Variants in GPR158 observed in about 807,000 individuals in gnomAD.
GPR158 encodes metabotropic glycine receptor.
Under a neutral mutation model 78.2 loss-of-function variants are expected in GPR158, and 30 were observed. The ratio of observed to expected loss-of-function variants is 0.38; its 90% CI spans 0.29 to 0.52. The LOEUF (loss-of-function observed/expected upper bound fraction) is 0.52. Among genes scored for constraint, GPR158 ranks in the 20% least tolerant of loss-of-function variants. The pLI is 0.83. For synonymous variants in GPR158, 581 were observed against 591.1 expected (o/e 0.98, Z 0.25); for missense variants, 1,463 against 1,523.5 (o/e 0.96, Z 0.66).
chr10:25,482,123 G>T (rs928394644), intron 5 of GPR158, among the ~76,000 whole-genome samples: 3 of 151,970 alleles, frequency 2.0e-5, no homozygotes, highest in Non-Finnish European at 4.4e-5. Context: ...CACCAATCTG[G>T]GATGATGCTG....
intron 5 of GPR158, among the ~76,000 whole-genome samples, chr10:25,507,652 T>C (rs1160660138): frequency 6.6e-6 from 1 of 152,202 alleles, no homozygotes; most frequent in Non-Finnish European, 1.5e-5. Flanking sequence ...GAAAATCTTT[T>C]AAAAAATTTA....
chr10:25,545,416 G>A (rs1836650354), intron 5 of GPR158, among the ~76,000 whole-genome samples: 1 of 152,086 alleles, frequency 6.6e-6, no homozygotes, highest in South Asian at 2.1e-4. Flanking sequence ...GCATGAGATG[G>A]TATCTCATTG....
intron 5 of GPR158, among the ~76,000 whole-genome samples, chr10:25,478,094 C>A (rs1322309974): frequency 6.6e-6 from 1 of 152,116 alleles, no homozygotes; most frequent in Non-Finnish European, 1.5e-5. Flanking sequence ...GCCCAGTGTG[C>A]ATATTCTAGG....
intron 4 of GPR158, among the ~76,000 whole-genome samples, chr10:25,450,782 A>C (rs1410261300): frequency 6.6e-6 from 1 of 152,156 alleles, no homozygotes; most frequent in African/African-American, 2.4e-5. Flanking sequence ...TGTTGTACAA[A>C]ATTAGCACAT....
intron 2 of GPR158, among the ~76,000 whole-genome samples, chr10:25,336,086 A>G (rs1364906029): frequency 6.6e-6 from 1 of 152,090 alleles, no homozygotes; most frequent in Admixed American, 6.6e-5. Context: ...TTGTCATACT[A>G]TTATTGTAAA....
chr10:25,550,348 G>A (rs1268221947), intron 5 of GPR158, among the ~76,000 whole-genome samples: 1 of 152,110 alleles, frequency 6.6e-6, no homozygotes, highest in Non-Finnish European at 1.5e-5. Context: ...GAGAAAGTTT[G>A]GAATTAGTGA....
At position 25,571,500 on chromosome 10, in the gene GPR158, G is replaced by A. The variant is rs186337826; in HGVS notation, c.1515-1149G>A. Among the ~76,000 whole-genome samples the A allele has an allele frequency of 1.7e-3, 260 of 152,274 alleles. 5 individuals are homozygous for A. The highest frequency in any genetic ancestry group is 0.015 in the Admixed American group (228 of 15,296). On this transcript the variant is annotated intron_variant, in intron 6 of 10. Transcript: ENST00000376351. ...TATGACTTAAAATTATTCAAAGAAT[G>A]AAGTGAAGGAGAGAATAGAACATTG...
intron 2 of GPR158, among the ~76,000 whole-genome samples, chr10:25,233,766 CT>C (rs1166615342): frequency 6.6e-6 from 1 of 152,134 alleles, no homozygotes; most frequent in African/African-American, 2.4e-5. Flanking sequence ...TCTCCATTCT[CT>C]TATGAGTATC....
intron 5 of GPR158, among the ~76,000 whole-genome samples, chr10:25,493,709 GCAAA>G (rs754984521): frequency 2.6e-5 from 4 of 152,160 alleles, no homozygotes; most frequent in Non-Finnish European, 4.4e-5. Context: ...GAGAAATTAA[GCAAA>G]CAAAGTTAAC....
At chr10:25,584,227 G>A (rs1316622326) in intron 7 of GPR158, among the ~76,000 whole-genome samples, 6 of 152,042 alleles carry the variant, frequency 3.9e-5, no homozygotes, top group East Asian at 1.9e-4. Flanking sequence ...AGCACAACAC[G>A]TATTTCAACT....
At chr10:25,308,451 T>C (rs1279423748) in intron 2 of GPR158, among the ~76,000 whole-genome samples, 3 of 152,200 alleles carry the variant, frequency 2.0e-5, no homozygotes, top group Non-Finnish European at 4.4e-5. Context: ...TTTTATGTGG[T>C]TATGAGCCAT....
chr10:25,540,223 C>G (rs1205564466), intron 5 of GPR158, among the ~76,000 whole-genome samples: 5 of 152,136 alleles, frequency 3.3e-5, no homozygotes, highest in African/African-American at 7.2e-5. Context: ...CAGAGAAATG[C>G]AAATCAAAAC....
At chr10:25,348,739 A>G (rs1855411784) in intron 2 of GPR158, among the ~76,000 whole-genome samples, 1 of 152,004 alleles carries the variant, frequency 6.6e-6, no homozygotes, top group Non-Finnish European at 1.5e-5. Flanking sequence ...CCCTATCAGC[A>G]GGATTATCCT....
At chr10:25,257,811 T>G (rs1438945418) in intron 2 of GPR158, among the ~76,000 whole-genome samples, 1 of 152,198 alleles carries the variant, frequency 6.6e-6, no homozygotes, top group Admixed American at 6.5e-5. Context: ...CATATGAATA[T>G]ATCACTTACG....
At chr10:25,366,006 C>T (rs1025831945) in intron 2 of GPR158, among the ~76,000 whole-genome samples, 2 of 151,474 alleles carry the variant, frequency 1.3e-5, no homozygotes, top group African/African-American at 4.8e-5. Context: ...TTATTTTGTT[C>T]AACATTGAGT....
At chr10:25,225,037 T>C (rs1286817280) in intron 2 of GPR158, among the ~76,000 whole-genome samples, 1 of 152,148 alleles carries the variant, frequency 6.6e-6, no homozygotes, top group Non-Finnish European at 1.5e-5. Context: ...AAATGCTCAC[T>C]TGAAAAGACT....
chr10:25,307,174 T>A, intron 2 of GPR158, among the ~76,000 whole-genome samples: 1 of 152,148 alleles, frequency 6.6e-6, no homozygotes, highest in East Asian at 1.9e-4. Flanking sequence ...TTTCAGGTAG[T>A]CTTATAGTTT....
chr10:25,291,158 A>C (rs1854430655), intron 2 of GPR158, among the ~76,000 whole-genome samples: 1 of 152,100 alleles, frequency 6.6e-6, no homozygotes, highest in Admixed American at 6.5e-5. Context: ...TAGCTTACAA[A>C]GAAATCCACA....
chr10:25,425,375 G>T (rs1396011151), intron 4 of GPR158, among the ~76,000 whole-genome samples: 1 of 151,782 alleles, frequency 6.6e-6, no homozygotes, highest in Non-Finnish European at 1.5e-5. Flanking sequence ...ATTCTTGCAG[G>T]AGTGAAAGTG....
Sources: gnomAD v4.1 joint callset for allele counts (sites outside exome capture counted in the v4.1 genomes callset) on GRCh38, gnomAD v4.1.1 for gene constraint, MANE v1.5 for transcripts, NCBI Gene and HGNC (gene_info 2026-07-23, HGNC 2026-07-21) for gene names.